Variants in FNBP1 observed in about 807,000 individuals in gnomAD.
The protein encoded by FNBP1 is formin binding protein 1, also known as formin-binding protein 1.
FNBP1 carries 26 observed loss-of-function variants against 90.6 expected under a neutral mutation model. That is an observed-to-expected ratio of 0.29 (90% confidence interval 0.21 to 0.40). FNBP1 has a LOEUF of 0.40. Ranked by LOEUF, FNBP1 falls within the 10% of genes least tolerant of loss-of-function variation. The pLI is 1.00. For missense variants in FNBP1, 635 were observed against 768.0 expected (o/e 0.83, Z 2.05); for synonymous variants, 260 against 265.2 (o/e 0.98, Z 0.19).
the FNBP1 span, among the ~76,000 whole-genome samples, chr9:130,051,229 GT>G: frequency 6.6e-6 from 1 of 151,784 alleles, no homozygotes; most frequent in Non-Finnish European, 1.5e-5. Flanking sequence ...TAGAGAAGGT[GT>G]TTCACCATGT....
chr9:129,994,299 A>C (rs929987844), intron 2 of FNBP1, among the ~76,000 whole-genome samples: 1 of 152,208 alleles, frequency 6.6e-6, no homozygotes, highest in African/African-American at 2.4e-5. Context: ...AGAACAAAAG[A>C]AGCCAGATAC....
chr9:130,043,176 G>A lies in FNBP1; in HGVS notation c.-201C>T. The A allele has an allele frequency of 2.6e-6, 1 of 390,280 alleles. No individual in the cohort carries two copies. The highest frequency in any genetic ancestry group is 4.4e-6 in the Non-Finnish European group (1 of 225,970). 24.2% of individuals were successfully genotyped at this position (390,280 alleles called of 1,614,324 possible). A position where few individuals can be genotyped will look rare whatever the true frequency, so the allele number is the denominator to read the frequency against. On this transcript the variant is annotated 5_prime_UTR_variant, in exon 1 of 17. Coordinates refer to ENST00000446176, the MANE Select transcript of FNBP1 (RefSeq NM_015033.3). ...CCGCTCCACAGCAAAATGGCCCGAG[G>A]AAGCAGCAGCCGCGGCCGCCGCAGC...
chr9:129,919,046 A>G (rs2131773936), intron 10 of FNBP1: 1 of 228,526 alleles, frequency 4.4e-6, no homozygotes. Flanking sequence ...TAAGAATTTC[A>G]TTTCGTAGTG....
At chr9:129,922,314 G>A (rs2041234315) in intron 10 of FNBP1, among the ~76,000 whole-genome samples, 1 of 152,200 alleles carries the variant, frequency 6.6e-6, no homozygotes, top group Non-Finnish European at 1.5e-5. Context: ...TCTCTATGAT[G>A]TAAGCGCACA....
At chr9:129,992,657 G>A (rs1232312101) in intron 2 of FNBP1, among the ~76,000 whole-genome samples, 1 of 145,888 alleles carries the variant, frequency 6.9e-6, no homozygotes, top group Non-Finnish European at 1.5e-5. Flanking sequence ...GGGCTCAAGC[G>A]ATTCTCCTGC....
At chr9:130,019,672 T>C (rs1330117856) in intron 1 of FNBP1, among the ~76,000 whole-genome samples, 1 of 152,224 alleles carries the variant, frequency 6.6e-6, no homozygotes, top group Non-Finnish European at 1.5e-5. Flanking sequence ...GTTTTGATCT[T>C]TGGAGTAATG....
At chr9:129,917,276 G>C (rs981387636) in intron 10 of FNBP1, among the ~76,000 whole-genome samples, 1 of 152,074 alleles carries the variant, frequency 6.6e-6, no homozygotes, top group East Asian at 1.9e-4. Flanking sequence ...AAAGTGCTGG[G>C]ATTATAGGTG....
At chr9:130,016,259 G>A (rs957156055) in intron 1 of FNBP1, among the ~76,000 whole-genome samples, 2 of 152,182 alleles carry the variant, frequency 1.3e-5, no homozygotes, top group East Asian at 1.9e-4. Context: ...ATTAGGTCAT[G>A]AGGGTGGGCC....
chr9:129,998,204 AAAAAAAAG>A (rs1368862356), intron 1 of FNBP1, among the ~76,000 whole-genome samples: 13 of 144,316 alleles, frequency 9.0e-5, no homozygotes, highest in African/African-American at 2.3e-4. Flanking sequence ...TCGAAAAAAA[AAAAAAAAG>A]AAAAAAAATG....
chr9:129,979,514 T>G (rs1237045765), intron 2 of FNBP1, 140 bp from the exon 3 acceptor site: 6 of 613,798 alleles, frequency 9.8e-6, no homozygotes, highest in Non-Finnish European at 1.7e-5. Context: ...TCCTTCAATC[T>G]TTCAACATGT....
At chr9:129,935,952 A>T (rs1303191874) in intron 6 of FNBP1, among the ~76,000 whole-genome samples, 2 of 43,162 alleles carry the variant, frequency 4.6e-5, no homozygotes, top group Non-Finnish European at 5.3e-5. Context: ...CTGTTCCTTA[A>T]ATGATAAACT....
rs928419156 is a variant in FNBP1 at position 129,923,912 on chromosome 9, A to G, written c.1102T>C (p.Ser368Pro). The change falls in exon 10 of 17, where the codon TCC becomes CCC. Residue 368 changes from serine to proline, a missense_variant. Ser to Pro is a moderately conservative substitution (Grantham distance 74). Coordinates refer to ENST00000446176, the MANE Select transcript of FNBP1 (RefSeq NM_015033.3). ...QSPKQQKEPL[S>P]HRFNEFMTSK... ...GTCATGAACTCGTTGAAGCGATGGGAGAGGGGTTCCTTTTGCTGCTTGGGA... is the reference window on the plus strand; with the variant it reads ...GTCATGAACTCGTTGAAGCGATGGGGGAGGGGTTCCTTTTGCTGCTTGGGA... The G allele has an allele frequency of 7.1e-6, 11 of 1,551,440 alleles. No individual in the cohort carries two copies. The Middle Eastern group carries it at 5.1e-4, about 73-fold the overall frequency.
At position 129,983,005 on chromosome 9, in the gene FNBP1, G is replaced by A. The variant is rs77949900; in HGVS notation, c.141-3631C>T. Among the ~76,000 whole-genome samples the A allele has an allele frequency of 5.0e-3, 767 of 152,230 alleles. 9 individuals are homozygous for A. Among genetic ancestry groups the A allele is most frequent in the African/African-American group, 0.017 (726 of 41,536 alleles). On this transcript the variant is annotated intron_variant, in intron 2 of 16. Coordinates refer to ENST00000446176, the MANE Select transcript of FNBP1 (RefSeq NM_015033.3). ...ATATTAATCATTTCTTCTGTTACCTGTAACTTACAAATTGAAAATACCACT... is the reference window on the plus strand; with the variant it reads ...ATATTAATCATTTCTTCTGTTACCTATAACTTACAAATTGAAAATACCACT...
chr9:129,919,488 G>A (rs1260876355), intron 10 of FNBP1, among the ~76,000 whole-genome samples: 1 of 152,118 alleles, frequency 6.6e-6, no homozygotes, highest in Non-Finnish European at 1.5e-5. Flanking sequence ...ACTGCAAATG[G>A]AGAACATGCT....
chr9:129,983,742 C>A (rs184628285), intron 2 of FNBP1, among the ~76,000 whole-genome samples: 4 of 151,908 alleles, frequency 2.6e-5, no homozygotes, highest in Non-Finnish European at 5.9e-5. Context: ...ACCTGGGAGG[C>A]GGAGGTTGCA....
intron 6 of FNBP1, among the ~76,000 whole-genome samples, chr9:129,944,872 CCATTTACTAT>C (rs1204364067): frequency 6.6e-6 from 1 of 152,140 alleles, no homozygotes; most frequent in Non-Finnish European, 1.5e-5. Flanking sequence ...ATGGGCTAGG[CCATTTACTAT>C]CATTGAAAAT....
intron 9 of FNBP1, 21 bp from the exon 10 acceptor site, chr9:129,924,047 C>A (rs370410249): frequency 6.8e-7 from 1 of 1,480,824 alleles, no homozygotes; most frequent in Non-Finnish European, 8.9e-7. Context: ...GAGATGGAGC[C>A]GTGACAGAGT....
At position 129,908,996 on chromosome 9, in the gene FNBP1, C is replaced by G. The variant is rs1311852441; in HGVS notation, c.1189G>C (p.Ala397Pro). The change falls in exon 12 of 17, where the codon GCA becomes CCA. Residue 397 changes from alanine to proline, a missense_variant. Ala to Pro is a conservative substitution (Grantham distance 27, BLOSUM62 -1). Coordinates refer to ENST00000446176, the MANE Select transcript of FNBP1 (RefSeq NM_015033.3). ...LKRGLSLKLG[A>P]TPEDFSNLPP... Reference sequence around the variant, plus strand: ...AGGTTGCTGAAATCCTCCGGTGTTGCACCCTGCAGACACAAATATAAATGA... The same window carrying G: ...AGGTTGCTGAAATCCTCCGGTGTTGGACCCTGCAGACACAAATATAAATGA... 1.2e-6 allele frequency: 2 copies of G among 1,607,174 alleles called. No individual in the cohort carries two copies. Among genetic ancestry groups the G allele is most frequent in the Admixed American group, 3.3e-5 (2 of 59,964 alleles).
chr9:129,989,156 C>T (rs1013766803), intron 2 of FNBP1, among the ~76,000 whole-genome samples: 4 of 152,176 alleles, frequency 2.6e-5, no homozygotes, highest in African/African-American at 9.7e-5. Flanking sequence ...AGCTCAGTAA[C>T]CACCCCCACT....
Sources: gnomAD v4.1 joint callset for allele counts (sites outside exome capture counted in the v4.1 genomes callset) on GRCh38, gnomAD v4.1.1 for gene constraint, MANE v1.5 for transcripts, NCBI Gene and HGNC (gene_info 2026-07-23, HGNC 2026-07-21) for gene names.